NKAIN2: variants seen among roughly 807,000 people sequenced by gnomAD.
The protein encoded by NKAIN2 is sodium/potassium transporting ATPase interacting 2.
A neutral mutation model predicts 32.6 loss-of-function variants in NKAIN2; 14 were observed. The observed-to-expected ratio is 0.43, with a 90% CI of 0.28 to 0.67. The LOEUF (loss-of-function observed/expected upper bound fraction) is 0.67, where lower values mean the gene tolerates loss of function less well. Ranked by LOEUF, NKAIN2 falls within the 30% of genes least tolerant of loss-of-function variation. The pLI is 0.17. For synonymous variants in NKAIN2, 80 were observed against 87.2 expected (o/e 0.92, Z 0.46); for missense variants, 198 against 258.3 (o/e 0.77, Z 1.60).
At chr6:124,430,466 A>C (rs955046740) in intron 3 of NKAIN2, among the ~76,000 whole-genome samples, 1 of 152,098 alleles carries the variant, frequency 6.6e-6, no homozygotes, top group African/African-American at 2.4e-5. Context: ...AGTTGCTATC[A>C]GAGGACGGTT....
At chr6:123,974,788 A>G (rs879867025) in intron 1 of NKAIN2, among the ~76,000 whole-genome samples, 4 of 152,188 alleles carry the variant, frequency 2.6e-5, no homozygotes, top group Non-Finnish European at 5.9e-5. Context: ...TCTGTTTTCT[A>G]AGTTCTAACG....
intron 1 of NKAIN2, among the ~76,000 whole-genome samples, chr6:123,889,585 A>T (rs1773901089): frequency 6.6e-6 from 1 of 152,164 alleles, no homozygotes; most frequent in South Asian, 2.1e-4. Flanking sequence ...GTATCACCCT[A>T]CATTTTAAAT....
intron 3 of NKAIN2, among the ~76,000 whole-genome samples, chr6:124,574,529 G>C (rs1378206797): frequency 2.0e-5 from 3 of 152,122 alleles, no homozygotes; most frequent in African/African-American, 7.2e-5. Flanking sequence ...GAGGCAGGGA[G>C]AGTCACTTAA....
At chr6:124,400,335 A>G (rs1204691338) in intron 3 of NKAIN2, among the ~76,000 whole-genome samples, 1 of 152,206 alleles carries the variant, frequency 6.6e-6, no homozygotes, top group Admixed American at 6.5e-5. Context: ...TCAGCACTTC[A>G]GTGCTCACTG....
intron 3 of NKAIN2, among the ~76,000 whole-genome samples, chr6:124,539,672 T>C (rs2114841267): frequency 6.6e-6 from 1 of 152,330 alleles, no homozygotes; most frequent in Admixed American, 6.5e-5. Context: ...CCATTATAGA[T>C]TTTTAAGCCA....
At chr6:124,078,393 G>A (rs777090607) in intron 1 of NKAIN2, among the ~76,000 whole-genome samples, 2 of 151,896 alleles carry the variant, frequency 1.3e-5, no homozygotes, top group Admixed American at 6.6e-5. Context: ...ACTAGGCACT[G>A]CTGTTAACAT....
At chr6:124,141,570 A>G (rs1418434893) in intron 1 of NKAIN2, among the ~76,000 whole-genome samples, 2 of 151,946 alleles carry the variant, frequency 1.3e-5, no homozygotes, top group African/African-American at 4.8e-5. Flanking sequence ...CGGTCAGTTC[A>G]TATTCTATTT....
At chr6:124,211,380 A>G (rs1006561316) in intron 1 of NKAIN2, among the ~76,000 whole-genome samples, 2 of 151,950 alleles carry the variant, frequency 1.3e-5, no homozygotes, top group East Asian at 3.8e-4. Flanking sequence ...TCATTAAACT[A>G]TCTCCTACCA....
At chr6:123,977,501 C>G (rs1778696633) in intron 1 of NKAIN2, among the ~76,000 whole-genome samples, 1 of 152,058 alleles carries the variant, frequency 6.6e-6, no homozygotes, top group African/African-American at 2.4e-5. Context: ...AAATGGTTAT[C>G]AAATGATTCT....
chr6:124,611,019 A>G (rs1244002716), intron 3 of NKAIN2, among the ~76,000 whole-genome samples: 1 of 152,200 alleles, frequency 6.6e-6, no homozygotes, highest in Non-Finnish European at 1.5e-5. Flanking sequence ...AATTTGCATT[A>G]AATTAAAGGC....
Position 124,408,482 on chromosome 6 carries a change from G to A in NKAIN2, c.273+53135G>A, listed in dbSNP as rs539156779. 1.9e-4 allele frequency among the ~76,000 whole-genome samples: 29 copies of A among 152,256 alleles called. No homozygotes were observed. In the East Asian group the frequency reaches 5.0e-3, roughly 26 times the overall value. On this transcript the variant is annotated intron_variant, in intron 3 of 6. Transcript: ENST00000368417. ...CTTTCCCCATTGTTTGTTTTTGTCAGGTTTGTCAAAGATCAGATAGTTGTA... is the reference window on the plus strand; with the variant it reads ...CTTTCCCCATTGTTTGTTTTTGTCAAGTTTGTCAAAGATCAGATAGTTGTA...
chr6:124,127,413 G>C (rs1048988437), intron 1 of NKAIN2, among the ~76,000 whole-genome samples: 1 of 152,138 alleles, frequency 6.6e-6, no homozygotes, highest in Non-Finnish European at 1.5e-5. Context: ...TGACTTTGAG[G>C]CCTAATATTA....
chr6:124,821,663 TGA>T (rs754475085), intron 6 of NKAIN2, among the ~76,000 whole-genome samples: 8 of 152,172 alleles, frequency 5.3e-5, no homozygotes, highest in Non-Finnish European at 1.0e-4. Context: ...CTTTACTGCA[TGA>T]GAGTGGTAAA....
chr6:124,254,195 G>T lies in NKAIN2; in HGVS notation c.55-28810G>T, dbSNP rs570544487. ...TCGAAATCCTGACCTCAGGTGATCCGCCTGCCTCGGCCTCCCAAAGTGCTG... is the reference window on the plus strand; with the variant it reads ...TCGAAATCCTGACCTCAGGTGATCCTCCTGCCTCGGCCTCCCAAAGTGCTG... On this transcript the variant is annotated intron_variant, in intron 1 of 6. Coordinates refer to ENST00000368417, the MANE Select transcript of NKAIN2 (RefSeq NM_001040214.3). 7.4e-5 allele frequency among the ~76,000 whole-genome samples: 11 copies of T among 148,986 alleles called. No individual in the cohort carries two copies. The South Asian group carries it at 1.7e-3, about 23-fold the overall frequency.
chr6:124,468,381 C>A (rs1488238819), intron 3 of NKAIN2, among the ~76,000 whole-genome samples: 1 of 152,122 alleles, frequency 6.6e-6, no homozygotes, highest in Non-Finnish European at 1.5e-5. Flanking sequence ...TTTCCTTTCA[C>A]CATCATAGCA....
intron 4 of NKAIN2, among the ~76,000 whole-genome samples, chr6:124,749,857 T>C (rs1203189080): frequency 6.6e-6 from 1 of 151,932 alleles, no homozygotes; most frequent in East Asian, 1.9e-4. Context: ...TTTCCCACTA[T>C]TTCCCCTTCA....
chr6:123,988,770 A>G (rs1454666618), intron 1 of NKAIN2, among the ~76,000 whole-genome samples: 1 of 152,200 alleles, frequency 6.6e-6, no homozygotes, highest in Admixed American at 6.5e-5. Flanking sequence ...TTTGGCTAAT[A>G]CCATTTTGTT....
intron 1 of NKAIN2, among the ~76,000 whole-genome samples, chr6:124,258,732 T>C (rs1295315418): frequency 6.6e-6 from 1 of 152,230 alleles, no homozygotes; most frequent in Non-Finnish European, 1.5e-5. Context: ...GTAGCAAGTA[T>C]GAATCTCTGG....
chr6:124,754,554 A>G (rs1777875331), intron 4 of NKAIN2, among the ~76,000 whole-genome samples: 1 of 152,064 alleles, frequency 6.6e-6, no homozygotes, highest in South Asian at 2.1e-4. Flanking sequence ...ATCACTTATC[A>G]TTAGAGGAAT....
Sources: gnomAD v4.1 joint callset for allele counts (sites outside exome capture counted in the v4.1 genomes callset) on GRCh38, gnomAD v4.1.1 for gene constraint, MANE v1.5 for transcripts, NCBI Gene and HGNC (gene_info 2026-07-23, HGNC 2026-07-21) for gene names.